The following FRMD5 variants were observed in gnomAD, a reference collection of about 807,000 sequenced individuals.
FRMD5 encodes FERM domain-containing protein 5.
A neutral mutation model predicts 69.0 loss-of-function variants in FRMD5; 20 were observed. The observed-to-expected ratio is 0.29, with a 90% confidence interval of 0.20 to 0.42. The LOEUF is 0.42. FRMD5 is among the 10% of genes least tolerant of loss of function. FRMD5 has a pLI of 1.00. For missense variants in FRMD5, 595 were observed against 708.6 expected (o/e 0.84, Z 1.82); for synonymous variants, 271 against 260.1 (o/e 1.04, Z -0.40).
chr15:44,150,558 T>C (rs928665857), intron 1 of FRMD5, among the ~76,000 whole-genome samples: 2 of 151,652 alleles, frequency 1.3e-5, no homozygotes, highest in Non-Finnish European at 2.9e-5. Context: ...AGCAGGAAGA[T>C]CGTTTAAGCC....
At chr15:43,914,124 G>T (rs935887862) in intron 4 of FRMD5, among the ~76,000 whole-genome samples, 2 of 152,188 alleles carry the variant, frequency 1.3e-5, no homozygotes, top group South Asian at 4.1e-4. Context: ...CTGAGCTTTT[G>T]TGTAACACGA....
chr15:44,164,885 C>T (rs578011472), intron 1 of FRMD5, among the ~76,000 whole-genome samples: 5 of 152,172 alleles, frequency 3.3e-5, no homozygotes, highest in East Asian at 1.9e-4. Context: ...ACTGTGGCAC[C>T]GGTGCCTAGT....
At chr15:44,088,854 G>T (rs1894313186) in intron 1 of FRMD5, among the ~76,000 whole-genome samples, 1 of 152,152 alleles carries the variant, frequency 6.6e-6, no homozygotes, top group African/African-American at 2.4e-5. Flanking sequence ...GTCAGAGATG[G>T]GATCTGAACC....
chr15:44,006,187 G>C (rs955321439), intron 1 of FRMD5, among the ~76,000 whole-genome samples: 8 of 152,134 alleles, frequency 5.3e-5, no homozygotes, highest in African/African-American at 1.9e-4. Context: ...GGATCTTTAA[G>C]AATTATGCTA....
intron 1 of FRMD5, among the ~76,000 whole-genome samples, chr15:44,086,630 T>A (rs1269652511): frequency 3.3e-5 from 5 of 152,152 alleles, no homozygotes; most frequent in Non-Finnish European, 7.4e-5. Context: ...TAGTGAGTGA[T>A]GAGGTTACAT....
rs1206433358 is a variant in FRMD5 at position 43,990,313 on chromosome 15, CTT to C, written c.103-66006_103-66005del. 1.6e-5 allele frequency: 4 copies of C among 256,328 alleles called. No homozygotes were observed. In the South Asian group the frequency reaches 2.0e-4, roughly 13 times the overall value. The allele number at this position is 256,328 out of a possible 1,614,324, so 15.9% of individuals were successfully genotyped here. ...CTGGGAAACCAAAATATTTGTCTGA[CTT>C]TGCTTTTTTGTGATATTTGCTTTTT... On this transcript the variant is annotated intron_variant, in intron 1 of 13. Coordinates refer to ENST00000417257, the MANE Select transcript of FRMD5 (RefSeq NM_032892.5).
intron 1 of FRMD5, among the ~76,000 whole-genome samples, chr15:44,159,288 G>A (rs542504023): frequency 6.6e-6 from 1 of 152,190 alleles, no homozygotes; most frequent in East Asian, 1.9e-4. Context: ...ACCACATAAG[G>A]TATCTGTGGA....
In FRMD5 at chr15:44,082,273, C is replaced by A. The variant is rs147963754; in HGVS notation, c.102+112680G>T. Among the ~76,000 whole-genome samples the A allele has an allele frequency of 1.5e-3, 223 of 151,930 alleles. 1 individual carries two copies. The highest frequency in any genetic ancestry group is 5.0e-3 in the African/African-American group (208 of 41,462). On this transcript the variant is annotated intron_variant, in intron 1 of 13. Transcript: ENST00000417257. ...CTTCAAAAACACTCTATCTGCTAAT[C>A]GAGAATAAGTCTGCACTGGCAAAAC...
chr15:43,932,408 G>A (rs2089691183), intron 1 of FRMD5, among the ~76,000 whole-genome samples: 2 of 152,138 alleles, frequency 1.3e-5, no homozygotes, highest in South Asian at 2.1e-4. Flanking sequence ...CTGATCAGAA[G>A]AGTAGAAAAT....
chr15:44,030,583 T>C (rs1454113356), intron 1 of FRMD5, among the ~76,000 whole-genome samples: 1 of 152,164 alleles, frequency 6.6e-6, no homozygotes, highest in African/African-American at 2.4e-5. Flanking sequence ...CAAAACCCTA[T>C]GCTAGGAAAA....
intron 1 of FRMD5, among the ~76,000 whole-genome samples, chr15:44,111,756 G>A (rs1386682151): frequency 6.6e-6 from 1 of 152,150 alleles, no homozygotes; most frequent in African/African-American, 2.4e-5. Context: ...AGGAGCTAGG[G>A]AATATTGGTT....
Position 43,871,592 on chromosome 15 carries a change from T to C in FRMD5, c.*2293A>G, listed in dbSNP as rs2088162546. 1 of 152,248 alleles carries C rather than the reference T, an allele frequency of 6.6e-6. No individual in the cohort carries two copies. Among genetic ancestry groups the C allele is most frequent in the South Asian group, 2.1e-4 (1 of 4,830 alleles). 9.4% of individuals were successfully genotyped at this position (152,248 alleles called of 1,614,324 possible). On this transcript the variant is annotated 3_prime_UTR_variant, in exon 14 of 14. Transcript: ENST00000417257. ...TTAGTCCTGTGCTAAATAAAGCCTTTGCTATGTAGATGACAAGTGGCAGTG... is the reference window on the plus strand; with the variant it reads ...TTAGTCCTGTGCTAAATAAAGCCTTCGCTATGTAGATGACAAGTGGCAGTG...
chr15:43,999,195 G>T (rs1035983049), intron 1 of FRMD5, among the ~76,000 whole-genome samples: 2 of 152,130 alleles, frequency 1.3e-5, no homozygotes, highest in African/African-American at 2.4e-5. Flanking sequence ...AGCTTCCTGA[G>T]TAGCTGGGAT....
intron 1 of FRMD5, among the ~76,000 whole-genome samples, chr15:44,042,328 C>T (rs1317082507): frequency 2.0e-5 from 3 of 152,188 alleles, no homozygotes; most frequent in Non-Finnish European, 4.4e-5. Flanking sequence ...GATGGATTCA[C>T]ACCCGAATTC....
chr15:44,164,601 C>T (rs1165739826), intron 1 of FRMD5, among the ~76,000 whole-genome samples: 1 of 152,046 alleles, frequency 6.6e-6, no homozygotes, highest in African/African-American at 2.4e-5. Flanking sequence ...GGATTTTTTC[C>T]TGCTCAACAT....
At chr15:43,907,728 G>A (rs1055752827) in intron 5 of FRMD5, among the ~76,000 whole-genome samples, 15 of 152,076 alleles carry the variant, frequency 9.9e-5, no homozygotes, top group African/African-American at 2.7e-4. Flanking sequence ...GGATGGCTTC[G>A]ATCTCTTGAC....
At chr15:44,167,675 C>T (rs1489227632) in intron 1 of FRMD5, among the ~76,000 whole-genome samples, 9 of 152,064 alleles carry the variant, frequency 5.9e-5, no homozygotes, top group South Asian at 4.1e-4. Flanking sequence ...CTGCAACCTC[C>T]GCCTCCCAGG....
At chr15:44,168,481 C>T (rs184511619) in intron 1 of FRMD5, among the ~76,000 whole-genome samples, 5 of 152,270 alleles carry the variant, frequency 3.3e-5, no homozygotes, top group African/African-American at 9.6e-5. Flanking sequence ...AGATTCCTGT[C>T]TTTAATTCTT....
intron 1 of FRMD5, among the ~76,000 whole-genome samples, chr15:44,009,744 T>A (rs1281719691): frequency 1.3e-5 from 2 of 152,192 alleles, no homozygotes; most frequent in Admixed American, 6.5e-5. Context: ...TGGGGTGCTG[T>A]GTACTTCTAG....
Sources: allele counts gnomAD v4.1 joint callset (sites outside exome capture counted in the v4.1 genomes callset), GRCh38; gene constraint gnomAD v4.1.1; transcripts MANE v1.5; gene names NCBI Gene and HGNC (gene_info 2026-07-23, HGNC 2026-07-21).